CD99L2: variants seen among roughly 807,000 people sequenced by gnomAD.
The protein encoded by CD99L2 is CD99 molecule like 2, also known as CD99 antigen-like protein 2.
CD99L2 carries 24 observed loss-of-function variants against 27.3 expected under a neutral mutation model. That is an observed-to-expected ratio of 0.88 (90% CI 0.64 to 1.24). CD99L2 has a LOEUF of 1.24. Ranked by LOEUF, CD99L2 falls within the 50% of genes most tolerant of loss-of-function variation. The pLI is 0.00. For missense variants in CD99L2, 255 were observed against 221.6 expected (o/e 1.15, Z -0.96); for synonymous variants, 97 against 87.9 (o/e 1.10, Z -0.58).
At chrX:150,890,216 C>T (rs1410530675) in intron 1 of CD99L2, among the ~76,000 whole-genome samples, 1 of 110,600 alleles carries the variant, frequency 9.0e-6, no homozygotes, top group African/African-American at 3.3e-5. Flanking sequence ...CAGTGGCTCA[C>T]GCCTGTAATC....
At chrX:150,814,537 A>G (rs1022638426) in intron 4 of CD99L2, among the ~76,000 whole-genome samples, 4 of 112,883 alleles carry the variant, frequency 3.5e-5, no homozygotes, top group Admixed American at 9.3e-5. Flanking sequence ...CTTACCAAGC[A>G]TAGTTATTTC....
At chrX:150,809,143 G>C (rs1277865689) in intron 4 of CD99L2, among the ~76,000 whole-genome samples, 2 of 111,569 alleles carry the variant, frequency 1.8e-5, no homozygotes, top group African/African-American at 6.5e-5. Context: ...AAAAGGAATG[G>C]AGCCTGGCTA....
At chrX:150,872,862 G>C (rs893513820) in intron 1 of CD99L2, among the ~76,000 whole-genome samples, 3 of 112,052 alleles carry the variant, frequency 2.7e-5, no homozygotes, top group African/African-American at 9.7e-5. Context: ...GCAAACAGTA[G>C]AGGATGGGCC....
At chrX:150,776,641 C>A (rs904974849) in intron 8 of CD99L2, among the ~76,000 whole-genome samples, 2 of 111,934 alleles carry the variant, frequency 1.8e-5, no homozygotes, top group African/African-American at 6.5e-5. Flanking sequence ...CAAATGGCTA[C>A]ACCCCTCTAT....
At chrX:150,879,885 A>AC (rs1373354891) in intron 1 of CD99L2, among the ~76,000 whole-genome samples, 1 of 94,481 alleles carries the variant, frequency 1.1e-5, no homozygotes, top group Admixed American at 1.2e-4. Context: ...TGTTGGTGCC[A>AC]CTGCACTCCA....
intron 1 of CD99L2, among the ~76,000 whole-genome samples, chrX:150,856,224 C>T (rs1557421750): frequency 8.9e-6 from 1 of 112,838 alleles, no homozygotes; most frequent in Admixed American, 9.3e-5. Flanking sequence ...TCAGCCCACC[C>T]CACCAGACAG....
At chrX:150,776,426 G>A (rs2043554855) in intron 8 of CD99L2, 133 bp from the exon 9 acceptor site, 2 of 726,793 alleles carry the variant, frequency 2.8e-6, no homozygotes, top group African/African-American at 2.2e-5. Context: ...AGCAGGAGAG[G>A]GCCATGCCAC....
rs1204008184 is a variant in CD99L2, at chrX:150,767,800, C to T, written c.*1234G>A. The T allele has an allele frequency of 9.0e-6, 1 of 111,548 alleles. No homozygotes were observed. Among genetic ancestry groups the T allele is most frequent in the Non-Finnish European group, 1.9e-5 (1 of 53,005 alleles). 9.2% of individuals were successfully genotyped at this position (111,548 alleles called of 1,213,427 possible). A position where few individuals can be genotyped will look rare whatever the true frequency, so the allele number is the denominator to read the frequency against. Reference sequence around the variant, plus strand: ...CAAACTGACTATCAGTAGACAGGGGCCCTAGACCCTAGCATGTGGTTCTGT... The same window carrying T: ...CAAACTGACTATCAGTAGACAGGGGTCCTAGACCCTAGCATGTGGTTCTGT... On this transcript the variant is annotated 3_prime_UTR_variant, in exon 11 of 11. Transcript: ENST00000370377.
At chrX:150,791,277 A>G (rs2045683355) in intron 7 of CD99L2, among the ~76,000 whole-genome samples, 1 of 112,006 alleles carries the variant, frequency 8.9e-6, no homozygotes, top group Non-Finnish European at 1.9e-5. Context: ...GTCTGCTTAG[A>G]CAGTCTAGAA....
chrX:150,888,784 C>T (rs953348208), intron 1 of CD99L2, among the ~76,000 whole-genome samples: 7 of 111,606 alleles, frequency 6.3e-5, no homozygotes, highest in Non-Finnish European at 9.4e-5. Flanking sequence ...CAGTGGACAG[C>T]CCCAGCTAAG....
chrX:150,799,213 T>C (rs1400417730), intron 4 of CD99L2, among the ~76,000 whole-genome samples: 3 of 111,003 alleles, frequency 2.7e-5, no homozygotes, highest in East Asian at 5.6e-4. Context: ...ACCCTGATTT[T>C]AAGGCTAGGC....
chrX:150,836,472 C>T lies in CD99L2; in HGVS notation c.68-5179G>A, dbSNP rs543086895. ...CCCCCCAAGTAGCTGGGATTACAGG[C>T]GTCTGCCACCACGCCCAGCTAATTT... is the stretch of plus-strand genomic sequence containing the variant. On this transcript the variant is annotated intron_variant, in intron 1 of 10. Coordinates refer to ENST00000370377, the MANE Select transcript of CD99L2 (RefSeq NM_031462.4). Among the ~76,000 whole-genome samples the T allele has an allele frequency of 1.4e-4, 15 of 110,864 alleles. No individual in the cohort carries two copies. In the East Asian group the frequency reaches 1.7e-3, roughly 13 times the overall value.
intron 9 of CD99L2, among the ~76,000 whole-genome samples, chrX:150,772,344 G>C (rs1247373361): frequency 1.8e-5 from 2 of 112,816 alleles, no homozygotes; most frequent in Non-Finnish European, 3.8e-5. Flanking sequence ...AGGTCAGCAG[G>C]GGGCGCTGTA....
chrX:150,838,575 A>T (rs1240368714), intron 1 of CD99L2, among the ~76,000 whole-genome samples: 3 of 110,027 alleles, frequency 2.7e-5, no homozygotes, highest in African/African-American at 9.9e-5. Context: ...TGCTAAATGA[A>T]GAGATCCAGG....
intron 4 of CD99L2, 41 bp downstream of exon 4, chrX:150,814,821 G>A (rs781803873): frequency 4.5e-6 from 5 of 1,113,985 alleles, no homozygotes; most frequent in Non-Finnish European, 6.2e-6. Context: ...TGTAATTAAT[G>A]AGACAGAATC....
intron 9 of CD99L2, among the ~76,000 whole-genome samples, chrX:150,775,873 G>A (rs782134275): frequency 8.9e-6 from 1 of 112,453 alleles, no homozygotes; most frequent in African/African-American, 3.2e-5. Context: ...TCTACGTGAA[G>A]GAAACATCAC....
chrX:150,799,101 A>G (rs1031469438), intron 4 of CD99L2, among the ~76,000 whole-genome samples: 3 of 112,517 alleles, frequency 2.7e-5, no homozygotes, highest in Non-Finnish European at 5.6e-5. Flanking sequence ...GAGTAAAAAG[A>G]TAACTCACAA....
intron 4 of CD99L2, among the ~76,000 whole-genome samples, chrX:150,809,519 T>A (rs1473704310): frequency 1.8e-5 from 2 of 112,408 alleles, no homozygotes; most frequent in African/African-American, 6.5e-5. Context: ...ACCATGAGAC[T>A]GGTGGTGATA....
At chrX:150,851,678 C>T (rs1557421608) in intron 1 of CD99L2, among the ~76,000 whole-genome samples, 1 of 112,134 alleles carries the variant, frequency 8.9e-6, no homozygotes, top group Non-Finnish European at 1.9e-5. Flanking sequence ...GGCTGTGTTC[C>T]TTCTGAAGCT....
Sources: gnomAD v4.1 joint callset for allele counts (sites outside exome capture counted in the v4.1 genomes callset) on GRCh38, gnomAD v4.1.1 for gene constraint, MANE v1.5 for transcripts, NCBI Gene and HGNC (gene_info 2026-07-23, HGNC 2026-07-21) for gene names.